FAM167A: variants seen among roughly 807,000 people sequenced by gnomAD.
The protein encoded by FAM167A is protein FAM167A.
A neutral mutation model predicts 14.9 loss-of-function variants in FAM167A; 23 were observed. That is an observed-to-expected ratio of 1.55 (90% CI 1.11 to 2.19). The LOEUF (loss-of-function observed/expected upper bound fraction) is 2.19. Ranked by LOEUF, FAM167A falls within the 30% of genes most tolerant of loss-of-function variation. The pLI, the probability that FAM167A is intolerant of heterozygous loss-of-function variation, is 0.00. For missense variants in FAM167A, 401 were observed against 281.5 expected, an observed-to-expected ratio of 1.42 and a Z score of -3.04; for synonymous variants, 174 against 117.7, an observed-to-expected ratio of 1.48 and a Z score of -3.10.
intron 1 of FAM167A, among the ~76,000 whole-genome samples, chr8:11,475,752 A>G (rs1797856820): frequency 6.6e-6 from 1 of 151,986 alleles, no homozygotes; most frequent in Non-Finnish European, 1.5e-5. Context: ...TCTTTCCCTA[A>G]ATGTATTGAT....
chr8:11,430,569 G>T (rs1287900411), intron 2 of FAM167A, among the ~76,000 whole-genome samples: 1 of 152,212 alleles, frequency 6.6e-6, no homozygotes, highest in Admixed American at 6.5e-5. Flanking sequence ...TTATCTCAAT[G>T]AAGTCATTTT....
chr8:11,450,980 G>T (rs1246782824), intron 1 of FAM167A, among the ~76,000 whole-genome samples: 1 of 152,256 alleles, frequency 6.6e-6, no homozygotes, highest in Non-Finnish European at 1.5e-5. Flanking sequence ...GGGACAGTCT[G>T]ATGTGACAGA....
At chr8:11,468,365 A>G (rs557370947), upstream of FAM167A, among the ~76,000 whole-genome samples, 1 of 152,346 alleles carries the variant, frequency 6.6e-6, no homozygotes, top group African/African-American at 2.4e-5. Context: ...TCCTCCCGAC[A>G]GGCTGCTGCA....
At chr8:11,431,917 A>AAAAAAAAAAAAAAAAG (rs752330983) in intron 2 of FAM167A, among the ~76,000 whole-genome samples, 1 of 99,498 alleles carries the variant, frequency 1.0e-5, no homozygotes, top group African/African-American at 4.0e-5. Context: ...AAAAAAAAAA[A>AAAAAAAAAAAAAAAAG]AAGGATTTTG....
At chr8:11,451,123 C>G (rs773171786) in intron 1 of FAM167A, among the ~76,000 whole-genome samples, 3 of 152,202 alleles carry the variant, frequency 2.0e-5, no homozygotes, top group Non-Finnish European at 4.4e-5. Flanking sequence ...TCTCCTGGGG[C>G]GTGGGGAGAC....
At chr8:11,465,984 T>C (rs1366075386) in intron 1 of FAM167A, among the ~76,000 whole-genome samples, 1 of 151,612 alleles carries the variant, frequency 6.6e-6, no homozygotes, top group Non-Finnish European at 1.5e-5. Flanking sequence ...AGAAAACCTA[T>C]ACATCCAACC....
rs866148241 is a variant in FAM167A at position 11,465,988 on chromosome 8, T to A, written c.-398+638A>T. 2.6e-5 allele frequency among the ~76,000 whole-genome samples: 4 copies of A among 151,468 alleles called. No individual in the cohort carries two copies. The South Asian group carries it at 8.3e-4, about 32-fold the overall frequency. ...AACGGGTGTGCAGAAAACCTATACA[T>A]CCAACCTAACTTGGCTGAAGAAGAC... On this transcript the variant is annotated intron_variant, in intron 1 of 2. Transcript: ENST00000284486.
intron 1 of FAM167A, among the ~76,000 whole-genome samples, chr8:11,448,658 T>C (rs1023286303): frequency 6.6e-5 from 10 of 152,238 alleles, no homozygotes; most frequent in Admixed American, 5.2e-4. Flanking sequence ...GAGTCTGTTC[T>C]GCCATAGAAG....
chr8:11,442,161 C>G (rs1256974736), intron 2 of FAM167A, among the ~76,000 whole-genome samples: 1 of 152,206 alleles, frequency 6.6e-6, no homozygotes, highest in Non-Finnish European at 1.5e-5. Context: ...TGTGCCTCAC[C>G]CTGGGCCACC....
At chr8:11,461,074 G>A (rs1193789228) in intron 1 of FAM167A, among the ~76,000 whole-genome samples, 2 of 152,306 alleles carry the variant, frequency 1.3e-5, no homozygotes, top group African/African-American at 2.4e-5. Flanking sequence ...CTGCTTCCCT[G>A]TTGGTCAGAA....
chr8:11,469,889 T>TAAAC (rs1807898338), upstream of FAM167A, among the ~76,000 whole-genome samples: 1 of 129,490 alleles, frequency 7.7e-6, no homozygotes, highest in Non-Finnish European at 1.7e-5. Context: ...CAAAAATAAA[T>TAAAC]AAATAAATAA....
chr8:11,454,377 G>A (rs189526850), intron 1 of FAM167A, among the ~76,000 whole-genome samples: 1 of 152,368 alleles, frequency 6.6e-6, no homozygotes, highest in East Asian at 1.9e-4. Flanking sequence ...CCTGTCTGGT[G>A]CAGGGGTGGC....
At position 11,435,623 on chromosome 8, in the gene FAM167A, C is replaced by G. The variant is rs539288259; in HGVS notation, c.381+8408G>C. 9.7e-4 allele frequency among the ~76,000 whole-genome samples: 147 copies of G among 152,322 alleles called. 2 individuals carry two copies. The highest frequency in any genetic ancestry group is 1.7e-3 in the Non-Finnish European group (119 of 68,020). Reference sequence around the variant, plus strand: ...GACCGCCACCCTCTGGGATCTCCCACTGCCCCCAGGCCTGTGGAGAGGCAG... The same window carrying G: ...GACCGCCACCCTCTGGGATCTCCCAGTGCCCCCAGGCCTGTGGAGAGGCAG... On this transcript the variant is annotated intron_variant, in intron 2 of 2. Transcript: ENST00000284486.
At chr8:11,466,203 T>A (rs1039871549) in intron 1 of FAM167A, among the ~76,000 whole-genome samples, 9 of 152,200 alleles carry the variant, frequency 5.9e-5, no homozygotes, top group African/African-American at 2.2e-4. Flanking sequence ...ACCGCATCCG[T>A]GGGGACAGAA....
rs1325969050 is a variant in FAM167A at position 11,438,476 on chromosome 8, C to T, written c.381+5555G>A. ...AGAAGTACAAGGTGAAGAATGCATACCGATTACATTGGCAAGGGAGAGAAG... is the reference window on the plus strand; with the variant it reads ...AGAAGTACAAGGTGAAGAATGCATATCGATTACATTGGCAAGGGAGAGAAG... On this transcript the variant is annotated intron_variant, in intron 2 of 2. Coordinates refer to ENST00000284486, the MANE Select transcript of FAM167A (RefSeq NM_053279.3). 14 of 457,254 alleles carry T rather than the reference C, an allele frequency of 3.1e-5. No individual in the cohort carries two copies. In the Admixed American group the frequency reaches 3.3e-4, roughly 11 times the overall value. 28.3% of individuals were successfully genotyped at this position (457,254 alleles called of 1,614,324 possible).
chr8:11,433,344 A>G (rs1805751781), intron 2 of FAM167A, among the ~76,000 whole-genome samples: 1 of 152,150 alleles, frequency 6.6e-6, no homozygotes, highest in Non-Finnish European at 1.5e-5. Flanking sequence ...CCACCAGACA[A>G]ATCCTCCCCT....
At chr8:11,441,017 G>A (rs1386969088) in intron 2 of FAM167A, among the ~76,000 whole-genome samples, 2 of 152,194 alleles carry the variant, frequency 1.3e-5, no homozygotes, top group African/African-American at 4.8e-5. Flanking sequence ...GTTTTTGCAA[G>A]TTGCTTTCTA....
At chr8:11,452,316 G>A (rs1301343617) in intron 1 of FAM167A, among the ~76,000 whole-genome samples, 1 of 152,246 alleles carries the variant, frequency 6.6e-6, no homozygotes, top group Non-Finnish European at 1.5e-5. Flanking sequence ...CGCCGCCCAT[G>A]GTTCCCTGTG....
intron 2 of FAM167A, among the ~76,000 whole-genome samples, chr8:11,426,368 T>A (rs888400791): frequency 6.6e-6 from 1 of 152,216 alleles, no homozygotes; most frequent in Non-Finnish European, 1.5e-5. Context: ...CAGGACCTCA[T>A]GAGACTGTTC....
Sources: gnomAD v4.1 joint callset for allele counts (sites outside exome capture counted in the v4.1 genomes callset) on GRCh38, gnomAD v4.1.1 for gene constraint, MANE v1.5 for transcripts, NCBI Gene and HGNC (gene_info 2026-07-23, HGNC 2026-07-21) for gene names.